Variants in SDC4 observed in about 807,000 individuals in gnomAD.
SDC4 encodes the protein syndecan-4.
SDC4 carries 17 observed loss-of-function variants against 20.5 expected under a neutral mutation model. That is an observed-to-expected ratio of 0.83 (90% confidence interval 0.57 to 1.25). SDC4 has a LOEUF of 1.25. Among genes scored for constraint, SDC4 ranks in the 50% most tolerant of loss-of-function variants. The pLI is 0.00. For missense variants in SDC4, 241 were observed against 252.3 expected, an observed-to-expected ratio of 0.96 and a Z score of 0.30; for synonymous variants, 107 against 105.3, an observed-to-expected ratio of 1.02 and a Z score of -0.10.
intron 1 of SDC4, among the ~76,000 whole-genome samples, chr20:45,341,563 T>C (rs1987953107): frequency 6.6e-6 from 1 of 151,932 alleles, no homozygotes; most frequent in South Asian, 2.1e-4. Context: ...AATAAATAAA[T>C]AAAAATCTAG....
In SDC4 at chr20:45,326,140, T is replaced by G. The variant is rs1600726917; in HGVS notation, c.*1124A>C. The G allele has an allele frequency of 7.4e-6, 1 of 135,014 alleles. No individual in the cohort carries two copies. The highest frequency in any genetic ancestry group is 2.5e-4 in the South Asian group (1 of 4,056). 8.4% of individuals were successfully genotyped at this position (135,014 alleles called of 1,614,324 possible). On this transcript the variant is annotated 3_prime_UTR_variant, in exon 5 of 5. Transcript: ENST00000372733. ...CTATTTTTCTAGAACCAAGGAAGAATAATAATATATTATAAGAACACAGAC... is the reference window on the plus strand; with the variant it reads ...CTATTTTTCTAGAACCAAGGAAGAAGAATAATATATTATAAGAACACAGAC...
intron 3 of SDC4, 33 bp from the exon 4 acceptor site, chr20:45,330,597 C>A (rs776912032): frequency 1.3e-6 from 2 of 1,597,652 alleles, no homozygotes; most frequent in Non-Finnish European, 1.7e-6. Context: ...AGACACTCAG[C>A]GTATTTTGGA....
rs772385957 is a variant in SDC4, at chr20:45,347,530, CT to C, written c.60+794del. Among the ~76,000 whole-genome samples, 8 of 152,268 alleles carry C rather than the reference CT, an allele frequency of 5.3e-5. No homozygotes were observed. The East Asian group carries it at 1.5e-3, about 29-fold the overall frequency. On this transcript the variant is annotated intron_variant, in intron 1 of 4. Transcript: ENST00000372733. ...GGCTGATTGAGGCCTTCTCTCCCCC[CT>C]ACCCCCTTCACCTCACTCAAGGTGG... is the stretch of plus-strand genomic sequence containing the variant.
At chr20:45,342,124 G>A (rs972853750) in intron 1 of SDC4, among the ~76,000 whole-genome samples, 11 of 152,254 alleles carry the variant, frequency 7.2e-5, no homozygotes, top group South Asian at 2.1e-4. Flanking sequence ...TGCTGGATCC[G>A]AGGGCTAGGG....
In SDC4 at chr20:45,348,371, C is replaced by T. The variant is rs1180195019; in HGVS notation, c.14G>A (p.Arg5His). 6.3e-7 allele frequency: 1 copy of T among 1,586,250 alleles called. No homozygotes were observed. The highest frequency in any genetic ancestry group is 8.6e-7 in the Non-Finnish European group (1 of 1,168,038). Residue 5 changes from arginine to histidine, a missense_variant, in exon 1 of 5, where the codon CGT becomes CAT. Coordinates refer to ENST00000372733, the MANE Select transcript of SDC4 (RefSeq NM_002999.4). ...GAAGAACAGCAGCAGCGCGAACAGA[C>T]GGGCGGGGGCCATGGCACCGCGGAC... MAPA[R>H]LFALLLFFVG...
At chr20:45,348,240 C>CA (rs746939652) in intron 1 of SDC4, 85 bp downstream of exon 1, 9 of 1,191,940 alleles carry the variant, frequency 7.6e-6, no homozygotes, top group Admixed American at 2.0e-5. Flanking sequence ...GATCTGCCCC[C>CA]CCCCATCCCA....
chr20:45,347,065 T>C (rs760920360), intron 1 of SDC4, among the ~76,000 whole-genome samples: 14 of 152,090 alleles, frequency 9.2e-5, no homozygotes, highest in Non-Finnish European at 1.6e-4. Flanking sequence ...ATATACCCAT[T>C]AGAAAGTTAT....
intron 2 of SDC4, among the ~76,000 whole-genome samples, chr20:45,334,889 C>T (rs540570023): frequency 1.9e-4 from 29 of 152,270 alleles, no homozygotes; most frequent in Middle Eastern, 3.4e-3. Context: ...GATGTACTAT[C>T]TTTATTATTC....
intron 1 of SDC4, among the ~76,000 whole-genome samples, chr20:45,337,537 G>A (rs1221279100): frequency 2.0e-5 from 3 of 152,212 alleles, no homozygotes; most frequent in Admixed American, 2.0e-4. Flanking sequence ...ATAGAAAGAG[G>A]TCAGGTCTCT....
At chr20:45,348,243 C>CA in intron 1 of SDC4, 82 bp downstream of exon 1, 1 of 1,223,154 alleles carries the variant, frequency 8.2e-7, no homozygotes, top group Non-Finnish European at 1.2e-6. Flanking sequence ...CTGCCCCCCC[C>CA]CATCCCACGC....
At chr20:45,348,236 C>T (rs1194643858) in intron 1 of SDC4, 89 bp downstream of exon 1, 16 of 202,606 alleles carry the variant, frequency 7.9e-5, no homozygotes, top group Non-Finnish European at 9.3e-5. Context: ...CCCCGATCTG[C>T]CCCCCCCCAT....
chr20:45,337,847 G>A (rs947085700), intron 1 of SDC4, among the ~76,000 whole-genome samples: 6 of 152,218 alleles, frequency 3.9e-5, no homozygotes, highest in Admixed American at 2.0e-4. Flanking sequence ...CCCGGGGAGT[G>A]GGGAGAATGC....
chr20:45,336,566 T>C lies in SDC4; in HGVS notation c.61-646A>G, dbSNP rs1406373934. 2.6e-5 allele frequency among the ~76,000 whole-genome samples: 4 copies of C among 152,296 alleles called. No homozygotes were observed. In the East Asian group the frequency reaches 7.7e-4, roughly 29 times the overall value. On this transcript the variant is annotated intron_variant, in intron 1 of 4. Coordinates refer to ENST00000372733, the MANE Select transcript of SDC4 (RefSeq NM_002999.4). ...TTACAGCCGAGGGAGTCATTTTCTTTTGGTGACACAGCTGGCAGATGGAAG... is the reference window on the plus strand; with the variant it reads ...TTACAGCCGAGGGAGTCATTTTCTTCTGGTGACACAGCTGGCAGATGGAAG...
intron 4 of SDC4, among the ~76,000 whole-genome samples, chr20:45,328,321 G>A (rs779756106): frequency 2.6e-4 from 39 of 152,060 alleles, no homozygotes; most frequent in Non-Finnish European, 4.7e-4. Context: ...TCTCCCTACC[G>A]CAAAATGGGA....
intron 1 of SDC4, among the ~76,000 whole-genome samples, chr20:45,343,934 C>T (rs1176920143): frequency 6.6e-6 from 1 of 152,232 alleles, no homozygotes; most frequent in East Asian, 1.9e-4. Context: ...AGTAGCATGA[C>T]TGAATTCATG....
rs545655263 is a variant in SDC4 at position 45,343,378 on chromosome 20, G to C, written c.60+4947C>G. ...ATTTGCAATCACTCAGCCTCCTTAA[G>C]GGTAGAAACTCTGCCCCTCCAGCAC... On this transcript the variant is annotated intron_variant, in intron 1 of 4. Coordinates refer to ENST00000372733, the MANE Select transcript of SDC4 (RefSeq NM_002999.4). Among the ~76,000 whole-genome samples the C allele has an allele frequency of 4.2e-3, 632 of 152,132 alleles. 2 individuals carry two copies. The highest frequency in any genetic ancestry group is 0.015 in the African/African-American group (607 of 41,452).
intron 3 of SDC4, among the ~76,000 whole-genome samples, chr20:45,331,413 G>A (rs1020635977): frequency 1.3e-5 from 2 of 152,138 alleles, no homozygotes; most frequent in African/African-American, 2.4e-5. Flanking sequence ...TCTTACAAAA[G>A]GGAGGGGGAA....
chr20:45,331,533 G>C (rs1161656034), intron 3 of SDC4, among the ~76,000 whole-genome samples: 1 of 152,148 alleles, frequency 6.6e-6, no homozygotes, highest in African/African-American at 2.4e-5. Context: ...CTACGTAACA[G>C]AATGAGATAG....
intron 1 of SDC4, among the ~76,000 whole-genome samples, chr20:45,347,510 A>T (rs1988049474): frequency 6.6e-6 from 1 of 152,160 alleles, no homozygotes; most frequent in African/African-American, 2.4e-5. Context: ...CCCTGGGCTG[A>T]TTGAGGCCTT....
Sources: allele counts gnomAD v4.1 joint callset (sites outside exome capture counted in the v4.1 genomes callset), GRCh38; gene constraint gnomAD v4.1.1; transcripts MANE v1.5; gene names NCBI Gene and HGNC (gene_info 2026-07-23, HGNC 2026-07-21).